ZNF655: variants seen among roughly 807,000 people sequenced by gnomAD.
ZNF655 encodes Vav-interacting Kruppel-like protein 1.
ZNF655 carries 3 observed loss-of-function variants against 6.6 expected under a neutral mutation model. That is an observed-to-expected ratio of 0.46 (90% confidence interval 0.21 to 1.18). ZNF655 has a LOEUF of 1.18. Ranked by LOEUF, ZNF655 falls within the 50% of genes most tolerant of loss-of-function variation. ZNF655 has a pLI of 0.24. For missense variants in ZNF655, 526 were observed against 572.3 expected (o/e 0.92, Z 0.83); for synonymous variants, 178 against 195.0 (o/e 0.91, Z 0.73).
Position 99,573,756 on chromosome 7 carries a change from G to A in ZNF655, c.*172G>A, listed in dbSNP as rs1480734350. 6.8e-6 allele frequency: 5 copies of A among 732,022 alleles called. No homozygotes were observed. The highest frequency in any genetic ancestry group is 2.0e-5 in the South Asian group (1 of 49,120). 45.3% of individuals were successfully genotyped at this position (732,022 alleles called of 1,614,324 possible). On this transcript the variant is annotated 3_prime_UTR_variant, in exon 3 of 3. Transcript: ENST00000252713. ...CAGAGAGAAACCCTCTGAATGTGAC[G>A]AATGAAGAAAAGGTATTAGTGTTAA...
chr7:99,568,306 A>G (rs534883008), intron 2 of ZNF655, among the ~76,000 whole-genome samples: 14 of 139,858 alleles, frequency 1.0e-4, no homozygotes, highest in South Asian at 9.0e-4. Context: ...GCTGGAGTGT[A>G]GTGGCGTGAT....
chr7:99,569,784 T>C (rs1803895029), intron 2 of ZNF655, among the ~76,000 whole-genome samples: 1 of 152,216 alleles, frequency 6.6e-6, no homozygotes, highest in African/African-American at 2.4e-5. Flanking sequence ...CTTTACCTGC[T>C]AGGCATTTTC....
rs1237250452 is a variant in ZNF655 at position 99,574,154 on chromosome 7, A to C, written c.*570A>C. 1 of 152,422 alleles carries C rather than the reference A, an allele frequency of 6.6e-6. No individual in the cohort carries two copies. Among genetic ancestry groups the C allele is most frequent in the Non-Finnish European group, 1.5e-5 (1 of 68,172 alleles). The allele number at this position is 152,422 out of a possible 1,614,324, so 9.4% of individuals were successfully genotyped here. ...TAGTCTTTGTCATATCAGAATATCC[A>C]TAGTAGACAAGAATTTGATGTAACG... On this transcript the variant is annotated 3_prime_UTR_variant, in exon 3 of 3. Transcript: ENST00000252713.
chr7:99,560,874 A>C (rs2151144651), intron 2 of ZNF655, 179 bp downstream of exon 2: 1 of 598,976 alleles, frequency 1.7e-6, no homozygotes, highest in East Asian at 3.2e-5. Flanking sequence ...CCCCTTTATT[A>C]AGGATAGCTC....
intron 2 of ZNF655, among the ~76,000 whole-genome samples, chr7:99,565,126 G>A (rs541360564): frequency 5.3e-5 from 8 of 152,104 alleles, no homozygotes; most frequent in Admixed American, 3.3e-4. Flanking sequence ...CAGCATAACT[G>A]GGTTAAGTTT....
At chr7:99,570,687 C>CA (rs1803980172) in intron 2 of ZNF655, 1 of 152,090 alleles carries the variant, frequency 6.6e-6, no homozygotes, top group Admixed American at 6.6e-5. Context: ...TATGTAAACA[C>CA]CGTTATATGT....
chr7:99,572,896 C>A lies in ZNF655; in HGVS notation c.788C>A (p.Thr263Asn). 1.2e-6 allele frequency: 2 copies of A among 1,614,120 alleles called. No individual in the cohort carries two copies. The highest frequency in any genetic ancestry group is 1.7e-6 in the Non-Finnish European group (2 of 1,179,984). Residue 263 changes from threonine (T) to asparagine (N), a missense_variant, in exon 3 of 3, where the codon ACT (threonine) becomes AAT (asparagine). Transcript: ENST00000252713. ...SSLSRHKRIH[T>N]REKPYKCEAS... ...CTTAGTCGACATAAAAGAATACACA[C>A]TAGAGAAAAACCTTACAAATGTGAA...
intron 2 of ZNF655, chr7:99,570,619 C>CA (rs1277265766): frequency 6.6e-6 from 1 of 152,072 alleles, no homozygotes; most frequent in Non-Finnish European, 1.5e-5. Context: ...TCCCTTCTAT[C>CA]AAAGAGTTTA....
chr7:99,569,080 C>T (rs1803848130), intron 2 of ZNF655, among the ~76,000 whole-genome samples: 1 of 152,102 alleles, frequency 6.6e-6, no homozygotes, highest in Non-Finnish European at 1.5e-5. Context: ...CTTCTGTGCC[C>T]AGCCATAGAT....
intron 2 of ZNF655, among the ~76,000 whole-genome samples, chr7:99,569,522 G>A (rs1476420287): frequency 6.6e-6 from 1 of 152,066 alleles, no homozygotes; most frequent in Non-Finnish European, 1.5e-5. Flanking sequence ...GACTGTGCAG[G>A]TTTGAAAACT....
At chr7:99,565,390 C>T (rs1210250271) in intron 2 of ZNF655, among the ~76,000 whole-genome samples, 4 of 152,090 alleles carry the variant, frequency 2.6e-5, no homozygotes, top group East Asian at 1.9e-4. Flanking sequence ...AGGATGGTCT[C>T]GATCTCCTGA....
chr7:99,568,261 A>AT (rs548893044), intron 2 of ZNF655, among the ~76,000 whole-genome samples: 4,256 of 132,674 alleles, frequency 0.032, 202 homozygotes, highest in African/African-American at 0.11. Context: ...AGGGATTTGG[A>AT]TTTTTTTTTT....
rs780478433 is a variant in ZNF655 at position 99,573,298 on chromosome 7, A to G, written c.1190A>G (p.Gln397Arg). The G allele has an allele frequency of 2.1e-5, 34 of 1,614,074 alleles. No individual in the cohort carries two copies. Among genetic ancestry groups the G allele is most frequent in the East Asian group, 8.9e-5 (4 of 44,892 alleles). ...TTCAGATTGAATTCACATCTTATTC[A>G]GCATCAAAGAATTCACACAGGAGAG... ...KDFRLNSHLIQHQRIHTGEKA... is the reference protein window; with the variant it reads ...KDFRLNSHLIRHQRIHTGEKA... The change falls in exon 3 of 3, where the codon CAG (glutamine) becomes CGG (arginine). Residue 397 changes from glutamine (Q) to arginine (R), a missense_variant. By Grantham distance (43) the Gln-to-Arg change is conservative (BLOSUM62 1). Coordinates refer to ENST00000252713, the MANE Select transcript of ZNF655 (RefSeq NM_138494.3).
chr7:99,570,433 C>G (rs1803954822), intron 2 of ZNF655: 1 of 152,184 alleles, frequency 6.6e-6, no homozygotes, highest in Non-Finnish European at 1.5e-5. Context: ...TGCTCATAGG[C>G]TCTCACATGG....
rs764153273 is a variant in ZNF655, at chr7:99,562,638, C to T, written c.136+1943C>T. 5 of 774,386 alleles carry T rather than the reference C, an allele frequency of 6.5e-6. No homozygotes were observed. In the East Asian group the frequency reaches 9.0e-5, roughly 14 times the overall value. 48.0% of individuals were successfully genotyped at this position (774,386 alleles called of 1,614,324 possible). A position where few individuals can be genotyped will look rare whatever the true frequency, so the allele number is the denominator to read the frequency against. ...ACCTCTGAATCCTTATCTTTCACATCGTCTTCTCCGGGAGGGGTAATTAAC... is the reference window on the plus strand; with the variant it reads ...ACCTCTGAATCCTTATCTTTCACATTGTCTTCTCCGGGAGGGGTAATTAAC... On this transcript the variant is annotated intron_variant, in intron 2 of 2. Coordinates refer to ENST00000252713, the MANE Select transcript of ZNF655 (RefSeq NM_138494.3).
At chr7:99,571,708 G>A in intron 2 of ZNF655, 1 of 1,609,026 alleles carries the variant, frequency 6.2e-7, no homozygotes, top group Non-Finnish European at 8.5e-7. Context: ...TTCCAAGCCT[G>A]ATGGGATCTC....
At chr7:99,567,343 G>T (rs1280177568) in intron 2 of ZNF655, among the ~76,000 whole-genome samples, 1 of 151,988 alleles carries the variant, frequency 6.6e-6, no homozygotes, top group Non-Finnish European at 1.5e-5. Context: ...AGACCAGCCT[G>T]ACCAACATGG....
intron 1 of ZNF655, among the ~76,000 whole-genome samples, chr7:99,560,079 CT>C (rs869302333): frequency 1.4e-5 from 2 of 146,560 alleles, no homozygotes; most frequent in African/African-American, 2.5e-5. Context: ...ATTTCTTTTT[CT>C]TTTTTTTCTT....
intron 2 of ZNF655, chr7:99,564,790 C>A: frequency 1.2e-6 from 1 of 819,502 alleles, no homozygotes; most frequent in Non-Finnish European, 1.5e-6. Context: ...AACTTTATCC[C>A]ATTTCCTCTC....
Sources: allele counts gnomAD v4.1 joint callset (sites outside exome capture counted in the v4.1 genomes callset), GRCh38; gene constraint gnomAD v4.1.1; transcripts MANE v1.5; gene names NCBI Gene and HGNC (gene_info 2026-07-23, HGNC 2026-07-21).